The following CPNE4 variants were observed in gnomAD, a reference collection of about 807,000 sequenced individuals.
CPNE4 encodes copine-4.
Under a neutral mutation model 67.9 loss-of-function variants are expected in CPNE4, and 25 were observed. The observed-to-expected ratio is 0.37, with a 90% CI of 0.27 to 0.51. The LOEUF (loss-of-function observed/expected upper bound fraction) is 0.51, where lower values mean the gene tolerates loss of function less well. CPNE4 is among the 20% of genes least tolerant of loss of function. The pLI is 0.93. For missense variants in CPNE4, 464 were observed against 690.8 expected (o/e 0.67, Z 3.68); for synonymous variants, 242 against 244.9 (o/e 0.99, Z 0.11).
At chr3:131,860,975 G>A (rs1437510056) in intron 2 of CPNE4, among the ~76,000 whole-genome samples, 7 of 152,170 alleles carry the variant, frequency 4.6e-5, no homozygotes, top group African/African-American at 1.7e-4. Context: ...AGTATGTCTT[G>A]CTGCTTCTGT....
intron 7 of CPNE4, among the ~76,000 whole-genome samples, chr3:131,623,541 G>T (rs757846484): frequency 7.9e-5 from 12 of 152,150 alleles, no homozygotes; most frequent in African/African-American, 1.7e-4. Context: ...CTCCTGGCAG[G>T]TGCTTCTTTA....
At chr3:131,908,943 C>A (rs1199295123) in intron 1 of CPNE4, among the ~76,000 whole-genome samples, 1 of 152,110 alleles carries the variant, frequency 6.6e-6, no homozygotes, top group Non-Finnish European at 1.5e-5. Context: ...ATTGTGGATG[C>A]TCTGATAGTG....
At chr3:131,697,487 T>C (rs2081182456) in intron 4 of CPNE4, among the ~76,000 whole-genome samples, 1 of 152,214 alleles carries the variant, frequency 6.6e-6, no homozygotes, top group African/African-American at 2.4e-5. Flanking sequence ...ACAATTCCAT[T>C]ATGAGTTGGG....
intron 2 of CPNE4, among the ~76,000 whole-genome samples, chr3:131,743,962 C>CAA (rs67791015): frequency 0.016 from 932 of 59,010 alleles, 132 homozygotes; most frequent in East Asian, 0.082. Flanking sequence ...GACTCCGTCT[C>CAA]AAAAAAAAAA....
At chr3:131,830,171 A>C (rs139822316) in intron 2 of CPNE4, among the ~76,000 whole-genome samples, 64 of 152,296 alleles carry the variant, frequency 4.2e-4, no homozygotes, top group African/African-American at 1.5e-3. Context: ...CCAATGCTCC[A>C]TCCTGCACTG....
intron 2 of CPNE4, among the ~76,000 whole-genome samples, chr3:131,859,744 G>A (rs1275852400): frequency 6.6e-6 from 1 of 152,176 alleles, no homozygotes; most frequent in African/African-American, 2.4e-5. Context: ...CAGATGACAA[G>A]TGTCCCTGGA....
intron 13 of CPNE4, among the ~76,000 whole-genome samples, chr3:131,550,601 G>T (rs143029891): frequency 5.3e-5 from 8 of 152,206 alleles, no homozygotes; most frequent in African/African-American, 1.9e-4. Context: ...AGAGTCAGGA[G>T]TTCCCATGAC....
intron 5 of CPNE4, among the ~76,000 whole-genome samples, chr3:131,692,272 T>C (rs994714676): frequency 1.3e-5 from 2 of 152,296 alleles, no homozygotes; most frequent in Admixed American, 1.3e-4. Flanking sequence ...GATCTGAGTA[T>C]GCTTTATCTA....
At chr3:131,984,983 G>A (rs2073006488) in intron 1 of CPNE4, among the ~76,000 whole-genome samples, 1 of 152,056 alleles carries the variant, frequency 6.6e-6, no homozygotes, top group African/African-American at 2.4e-5. Context: ...CTTATATTGG[G>A]CTGCTATGAC....
chr3:131,860,373 T>C (rs968821088), intron 2 of CPNE4, among the ~76,000 whole-genome samples: 14 of 152,058 alleles, frequency 9.2e-5, no homozygotes, highest in Admixed American at 4.6e-4. Context: ...ACATGAAAAA[T>C]CCAAAAACTA....
At chr3:131,844,915 A>G (rs775733697) in intron 2 of CPNE4, among the ~76,000 whole-genome samples, 2 of 152,136 alleles carry the variant, frequency 1.3e-5, no homozygotes, top group Non-Finnish European at 2.9e-5. Flanking sequence ...GCAAGATAAT[A>G]CTCTTCAAAA....
At chr3:131,948,179 G>C (rs2071616149) in intron 1 of CPNE4, among the ~76,000 whole-genome samples, 1 of 152,098 alleles carries the variant, frequency 6.6e-6, no homozygotes, top group South Asian at 2.1e-4. Flanking sequence ...ACCCAGATCA[G>C]ACCTTGAATT....
At position 131,773,718 on chromosome 3, in the gene CPNE4, T is replaced by C. The variant is rs1465118226; in HGVS notation, c.181-50093A>G. 3.9e-5 allele frequency among the ~76,000 whole-genome samples: 6 copies of C among 152,166 alleles called. No homozygotes were observed. The East Asian group carries it at 1.2e-3, about 29-fold the overall frequency. On this transcript the variant is annotated intron_variant, in intron 2 of 15. Transcript: ENST00000429747. The stretch of plus-strand genomic sequence containing the variant: ...GATCTAATTATGCACATATAGCCAC[T>C]ATAGAATTTTGATATCTTTTGTATC...
intron 2 of CPNE4, among the ~76,000 whole-genome samples, chr3:131,874,617 T>C (rs11921795): frequency 0.36 from 54,106 of 152,082 alleles, 10,854 homozygotes; most frequent in African/African-American, 0.54. Flanking sequence ...AATGAATTTA[T>C]GTATCTGAAC....
In CPNE4 at chr3:131,964,601, A is replaced by G. The variant is rs576576290; in HGVS notation, c.-1-59157T>C. ...TACACGAGCATCAATAGCTGAATCA[A>G]TCAAGCAGAAGAAAGGATATCAGAG... is the stretch of plus-strand genomic sequence containing the variant. On this transcript the variant is annotated intron_variant, in intron 1 of 15. Transcript: ENST00000429747. 5.9e-5 allele frequency among the ~76,000 whole-genome samples: 9 copies of G among 151,912 alleles called. No individual in the cohort carries two copies. In the South Asian group the frequency reaches 1.7e-3, roughly 28 times the overall value.
intron 2 of CPNE4, among the ~76,000 whole-genome samples, chr3:131,751,590 C>T: frequency 6.6e-6 from 1 of 152,002 alleles, no homozygotes; most frequent in Admixed American, 6.6e-5. Context: ...ATTATGGCTG[C>T]TTTAAAATAT....
At chr3:131,917,437 G>A (rs2070591280) in intron 1 of CPNE4, among the ~76,000 whole-genome samples, 1 of 152,148 alleles carries the variant, frequency 6.6e-6, no homozygotes, top group Non-Finnish European at 1.5e-5. Flanking sequence ...TCAGACTCAT[G>A]ACCAGCTATC....
chr3:131,612,732 G>A (rs975395272), intron 7 of CPNE4, among the ~76,000 whole-genome samples: 1 of 152,074 alleles, frequency 6.6e-6, no homozygotes, highest in Non-Finnish European at 1.5e-5. Context: ...TAAAACCTAC[G>A]TTAGACTCCT....
At chr3:131,734,613 C>A (rs2082195659) in intron 2 of CPNE4, among the ~76,000 whole-genome samples, 1 of 152,168 alleles carries the variant, frequency 6.6e-6, no homozygotes, top group African/African-American at 2.4e-5. Flanking sequence ...TCAGGCCATG[C>A]AGTGACTCAC....
Sources: gnomAD v4.1 joint callset for allele counts (sites outside exome capture counted in the v4.1 genomes callset) on GRCh38, gnomAD v4.1.1 for gene constraint, MANE v1.5 for transcripts, NCBI Gene and HGNC (gene_info 2026-07-23, HGNC 2026-07-21) for gene names.